The following SNTG1 variants were observed in gnomAD, a reference collection of about 807,000 sequenced individuals.
SNTG1 encodes gamma-1-syntrophin.
SNTG1 carries 39 observed loss-of-function variants against 74.7 expected under a neutral mutation model. That is an observed-to-expected ratio of 0.52 (90% CI 0.40 to 0.68). The LOEUF is 0.68. Ranked by LOEUF, SNTG1 falls within the 30% of genes least tolerant of loss-of-function variation. SNTG1 has a pLI of 0.00. For synonymous variants in SNTG1, 254 were observed against 217.1 expected (o/e 1.17, Z -1.49); for missense variants, 685 against 609.5 (o/e 1.12, Z -1.30).
chr8:50,549,796 T>C (rs1585651547), intron 11 of SNTG1, among the ~76,000 whole-genome samples: 1 of 152,180 alleles, frequency 6.6e-6, no homozygotes, highest in South Asian at 2.1e-4. Flanking sequence ...AATTTTGCTT[T>C]CCCTTACCTG....
chr8:50,340,381 G>C (rs1459795509), intron 2 of SNTG1, among the ~76,000 whole-genome samples: 3 of 151,918 alleles, frequency 2.0e-5, no homozygotes, highest in Non-Finnish European at 4.4e-5. Context: ...TAGACAAATT[G>C]ATCAAGATAA....
chr8:50,196,365 T>G (rs1192181897), intron 2 of SNTG1, among the ~76,000 whole-genome samples: 1 of 152,186 alleles, frequency 6.6e-6, no homozygotes, highest in Non-Finnish European at 1.5e-5. Flanking sequence ...AAATGATTTG[T>G]GAAAACTGCA....
intron 1 of SNTG1, among the ~76,000 whole-genome samples, chr8:50,016,058 T>TA (rs1816282135): frequency 6.6e-6 from 1 of 152,114 alleles, no homozygotes; most frequent in African/African-American, 2.4e-5. Context: ...CTGGGCATAC[T>TA]ACTCAGATGT....
chr8:50,129,399 T>G (rs1188274884), intron 1 of SNTG1, among the ~76,000 whole-genome samples: 8 of 152,242 alleles, frequency 5.3e-5, no homozygotes, highest in African/African-American at 1.7e-4. Flanking sequence ...AAATGGGAAC[T>G]GAAACTTTTT....
intron 1 of SNTG1, among the ~76,000 whole-genome samples, chr8:50,018,551 G>C (rs1408498070): frequency 6.6e-6 from 1 of 151,896 alleles, no homozygotes; most frequent in Non-Finnish European, 1.5e-5. Flanking sequence ...AGACATAAGA[G>C]TAAACGTTCT....
chr8:50,694,592 A>G (rs1428732783), intron 15 of SNTG1, among the ~76,000 whole-genome samples: 2 of 152,088 alleles, frequency 1.3e-5, no homozygotes, highest in Admixed American at 1.3e-4. Flanking sequence ...TATGAGGATA[A>G]CATTACCCTG....
intron 4 of SNTG1, among the ~76,000 whole-genome samples, chr8:50,422,331 A>C (rs1259878035): frequency 3.8e-5 from 1 of 26,202 alleles, no homozygotes; most frequent in East Asian, 3.1e-3. Flanking sequence ...AGTAGACAAA[A>C]AGATATATAG....
chr8:50,733,800 T>C (rs887503214), intron 17 of SNTG1, among the ~76,000 whole-genome samples: 2 of 151,788 alleles, frequency 1.3e-5, no homozygotes, highest in African/African-American at 4.8e-5. Context: ...ATCAGGTGCT[T>C]AGAGTTTTTC....
intron 1 of SNTG1, among the ~76,000 whole-genome samples, chr8:50,036,041 T>A (rs1386874071): frequency 6.6e-6 from 1 of 152,220 alleles, no homozygotes; most frequent in African/African-American, 2.4e-5. Context: ...TCTTTATGCA[T>A]CACTTTCTCT....
chr8:50,280,983 C>T (rs2088411518), intron 2 of SNTG1, among the ~76,000 whole-genome samples: 1 of 73,920 alleles, frequency 1.4e-5, no homozygotes, highest in Admixed American at 1.9e-4. Context: ...GAAACCCAGT[C>T]TCAAAAAAAA....
intron 1 of SNTG1, among the ~76,000 whole-genome samples, chr8:50,055,570 C>T (rs893685955): frequency 7.2e-5 from 11 of 152,010 alleles, no homozygotes; most frequent in Non-Finnish European, 7.4e-5. Flanking sequence ...TATTAACATC[C>T]CTGAATCTCA....
chr8:50,345,071 T>C (rs995371034), intron 2 of SNTG1, among the ~76,000 whole-genome samples: 1 of 152,202 alleles, frequency 6.6e-6, no homozygotes, highest in Non-Finnish European at 1.5e-5. Flanking sequence ...CTTGGACTTC[T>C]AGCCTCCAGA....
chr8:50,241,915 G>T (rs976701977), intron 2 of SNTG1, among the ~76,000 whole-genome samples: 17 of 152,032 alleles, frequency 1.1e-4, no homozygotes, highest in South Asian at 6.2e-4. Flanking sequence ...ATCTGCCCAT[G>T]GTCTTGAGGT....
intron 13 of SNTG1, among the ~76,000 whole-genome samples, chr8:50,635,529 C>G (rs2095033506): frequency 6.6e-6 from 1 of 152,208 alleles, no homozygotes; most frequent in Non-Finnish European, 1.5e-5. Flanking sequence ...ACTCTTCCTT[C>G]CCTTTTACAC....
At chr8:50,707,984 C>CTTTGGGAGGCCGAGGCGG in intron 16 of SNTG1, 1 of 361,034 alleles carries the variant, frequency 2.8e-6, no homozygotes, top group East Asian at 4.0e-5. Flanking sequence ...GGGTGGATCA[C>CTTTGGGAGGCCGAGGCGG]GAGGTCAGGC....
At chr8:50,209,161 G>A (rs1175992966) in intron 2 of SNTG1, among the ~76,000 whole-genome samples, 3 of 152,198 alleles carry the variant, frequency 2.0e-5, no homozygotes, top group East Asian at 1.9e-4. Context: ...CAAGGTGGCA[G>A]TGAGGCTGGG....
chr8:50,002,868 G>T (rs145701831), intron 1 of SNTG1, among the ~76,000 whole-genome samples: 85 of 152,254 alleles, frequency 5.6e-4, no homozygotes, highest in Middle Eastern at 3.4e-3. Context: ...CAGATACAGG[G>T]ATAAACAAAC....
intron 1 of SNTG1, among the ~76,000 whole-genome samples, chr8:50,127,852 C>T (rs571078166): frequency 3.9e-5 from 6 of 152,016 alleles, no homozygotes; most frequent in Non-Finnish European, 7.4e-5. Context: ...TTTGCAAGTC[C>T]AATTGTTTTG....
chr8:50,520,718 C>T (rs111867031), intron 9 of SNTG1, among the ~76,000 whole-genome samples: 13 of 152,158 alleles, frequency 8.5e-5, no homozygotes, highest in Non-Finnish European at 1.8e-4. Flanking sequence ...AAAATCACAA[C>T]GAGATACCAT....
Sources: allele counts gnomAD v4.1 joint callset (sites outside exome capture counted in the v4.1 genomes callset), GRCh38; gene constraint gnomAD v4.1.1; transcripts MANE v1.5; gene names NCBI Gene and HGNC (gene_info 2026-07-23, HGNC 2026-07-21).